The following CLYBL variants were observed in gnomAD, a reference collection of about 807,000 sequenced individuals.
The protein encoded by CLYBL is citramalyl-CoA lyase, mitochondrial.
A neutral mutation model predicts 38.9 loss-of-function variants in CLYBL; 31 were observed. The ratio of observed to expected loss-of-function variants is 0.80; its 90% CI spans 0.60 to 1.08. The LOEUF (loss-of-function observed/expected upper bound fraction) is 1.08, where lower values mean the gene tolerates loss of function less well. CLYBL is among the 50% of genes least tolerant of loss of function. The probability of loss-of-function intolerance (pLI) is 0.00; values close to 1 mark genes in which losing one functional copy is unlikely to be tolerated. For synonymous variants in CLYBL, 171 were observed against 158.6 expected (o/e 1.08, Z -0.59); for missense variants, 434 against 411.6 (o/e 1.05, Z -0.47).
chr13:99,879,986 A>G (rs979254911), intron 7 of CLYBL, among the ~76,000 whole-genome samples: 2 of 151,246 alleles, frequency 1.3e-5, no homozygotes, highest in African/African-American at 4.9e-5. Context: ...CAGTAGTGAC[A>G]GTGCTGGTAG....
At chr13:99,729,180 T>C (rs949404374) in intron 1 of CLYBL, among the ~76,000 whole-genome samples, 5 of 152,252 alleles carry the variant, frequency 3.3e-5, no homozygotes, top group African/African-American at 1.2e-4. Context: ...TCTCTTGTCT[T>C]TTAAAAGTGT....
intron 7 of CLYBL, among the ~76,000 whole-genome samples, chr13:99,882,829 T>C (rs1053766962): frequency 3.3e-5 from 5 of 152,122 alleles, no homozygotes; most frequent in Admixed American, 2.0e-4. Context: ...GAGGTTATAG[T>C]TGCCAAGACA....
rs2051283520 is a variant in CLYBL, at chr13:99,849,554, C to T, written c.250-9307C>T. On this transcript the variant is annotated intron_variant, in intron 2 of 8. Transcript: ENST00000339105. The surrounding 1 kb of genome is among the most constrained non-coding windows in gnomAD (Gnocchi z 4.9). ...CAAAGTGTACGTCAAAGCCACACTA[C>T]TGAATCATAAAACATCGGCAGTGCC... Among the ~76,000 whole-genome samples the T allele has an allele frequency of 1.3e-5, 2 of 152,222 alleles. No individual in the cohort carries two copies. Among genetic ancestry groups the T allele is most frequent in the Non-Finnish European group, 2.9e-5 (2 of 68,046 alleles).
intron 1 of CLYBL, among the ~76,000 whole-genome samples, chr13:99,700,482 C>T (rs1404070558): frequency 3.3e-5 from 5 of 152,074 alleles, no homozygotes; most frequent in Non-Finnish European, 7.4e-5. Flanking sequence ...CCAAGGAAGG[C>T]GCTAAATGGC....
chr13:99,645,219 G>A (rs1292915289), intron 1 of CLYBL, among the ~76,000 whole-genome samples: 4 of 152,132 alleles, frequency 2.6e-5, no homozygotes, highest in Admixed American at 6.6e-5. Context: ...ATTTTAGGCC[G>A]GGTGCAGTGG....
chr13:99,625,973 G>A (rs1376490546), intron 1 of CLYBL, among the ~76,000 whole-genome samples: 1 of 152,242 alleles, frequency 6.6e-6, no homozygotes, highest in Non-Finnish European at 1.5e-5. Context: ...TGCGGTGTGA[G>A]GTGGCTGGCT....
chr13:99,671,575 T>A (rs1455091622), intron 1 of CLYBL, among the ~76,000 whole-genome samples: 1 of 151,444 alleles, frequency 6.6e-6, no homozygotes, highest in Non-Finnish European at 1.5e-5. Context: ...AGGTCAGGAG[T>A]TTGAGACCGG....
intron 2 of CLYBL, among the ~76,000 whole-genome samples, chr13:99,784,449 CTTTTTT>C (rs772465561): frequency 2.5e-4 from 13 of 52,124 alleles, no homozygotes; most frequent in South Asian, 2.0e-3. Flanking sequence ...AAAATTCTCT[CTTTTTT>C]TTTTTTTTTT....
intron 2 of CLYBL, among the ~76,000 whole-genome samples, chr13:99,841,049 T>G (rs1450433151): frequency 6.6e-6 from 1 of 152,194 alleles, no homozygotes; most frequent in African/African-American, 2.4e-5. Flanking sequence ...TAAAGGACCA[T>G]CTGCAACCTA....
chr13:99,800,816 G>A (rs1230544857), intron 2 of CLYBL, among the ~76,000 whole-genome samples: 2 of 151,554 alleles, frequency 1.3e-5, no homozygotes, highest in Non-Finnish European at 2.9e-5. Context: ...AGAGGTTGCA[G>A]TGAGCCAAGA....
intron 1 of CLYBL, among the ~76,000 whole-genome samples, chr13:99,687,351 A>G (rs138285096): frequency 1.1e-4 from 17 of 152,196 alleles, no homozygotes; most frequent in African/African-American, 2.9e-4. Context: ...TGGACTATCT[A>G]GCATACCCAT....
At chr13:99,744,291 A>G (rs2048812082) in intron 1 of CLYBL, among the ~76,000 whole-genome samples, 1 of 152,142 alleles carries the variant, frequency 6.6e-6, no homozygotes, top group Admixed American at 6.5e-5. Flanking sequence ...TTTCTTTAAA[A>G]TGTTGGAGGC....
At chr13:99,720,319 CT>C (rs1204105878) in intron 1 of CLYBL, among the ~76,000 whole-genome samples, 1 of 152,132 alleles carries the variant, frequency 6.6e-6, no homozygotes, top group African/African-American at 2.4e-5. Context: ...CACTCCCAGT[CT>C]TTCGTATTCC....
At chr13:99,831,857 T>G (rs1252221516) in intron 2 of CLYBL, among the ~76,000 whole-genome samples, 1 of 152,168 alleles carries the variant, frequency 6.6e-6, no homozygotes, top group Non-Finnish European at 1.5e-5. Flanking sequence ...CTGTCTGGTT[T>G]AGGGTATTTT....
intron 1 of CLYBL, among the ~76,000 whole-genome samples, chr13:99,716,187 T>G (rs1386163362): frequency 8.4e-6 from 1 of 118,888 alleles, no homozygotes; most frequent in African/African-American, 3.2e-5. Flanking sequence ...TTTTTTTTTT[T>G]TTTTTTTTTT....
At chr13:99,867,749 A>C (rs1353323293) in intron 6 of CLYBL, among the ~76,000 whole-genome samples, 1 of 152,184 alleles carries the variant, frequency 6.6e-6, no homozygotes, top group East Asian at 1.9e-4. Context: ...TTGGCCTGCA[A>C]TGTATGGCAC....
intron 1 of CLYBL, among the ~76,000 whole-genome samples, chr13:99,620,241 A>T (rs2046772377): frequency 6.6e-6 from 1 of 152,218 alleles, no homozygotes; most frequent in Non-Finnish European, 1.5e-5. Flanking sequence ...TTTGACTCAG[A>T]AGTGGATACC....
intron 2 of CLYBL, among the ~76,000 whole-genome samples, chr13:99,845,639 T>C (rs1438560242): frequency 6.6e-6 from 1 of 152,110 alleles, no homozygotes; most frequent in Non-Finnish European, 1.5e-5. Flanking sequence ...GTTTGTGAGC[T>C]AGGTGACATG....
chr13:99,889,738 C>A (rs1435481815), intron 7 of CLYBL, among the ~76,000 whole-genome samples: 2 of 152,168 alleles, frequency 1.3e-5, no homozygotes, highest in East Asian at 1.9e-4. Context: ...GGATTCCCCC[C>A]ATTTTTCTTT....
Sources: allele counts gnomAD v4.1 joint callset (sites outside exome capture counted in the v4.1 genomes callset), GRCh38; gene constraint gnomAD v4.1.1; non-coding constraint Gnocchi (gnomAD v3.1); transcripts MANE v1.5; gene names NCBI Gene and HGNC (gene_info 2026-07-23, HGNC 2026-07-21).